Variants in SNRNP200 observed in about 807,000 individuals in gnomAD.
The protein encoded by SNRNP200 is U5 small nuclear ribonucleoprotein 200 kDa helicase.
A neutral mutation model predicts 255.2 loss-of-function variants in SNRNP200; 66 were observed. The observed-to-expected ratio is 0.26, with a 90% CI of 0.21 to 0.32. SNRNP200 has a LOEUF of 0.32. Ranked by LOEUF, SNRNP200 falls within the 10% of genes least tolerant of loss-of-function variation. The pLI, the probability that SNRNP200 is intolerant of heterozygous loss-of-function variation, is 1.00. For missense variants in SNRNP200, 1,585 were observed against 2,749.8 expected, an observed-to-expected ratio of 0.58 and a Z score of 9.47; for synonymous variants, 939 against 1,027.8, an observed-to-expected ratio of 0.91 and a Z score of 1.65.
In SNRNP200 at chr2:96,304,676, G is replaced by T. The variant is rs145029464; in HGVS notation, c.209+29C>A. 3.7e-6 allele frequency: 6 copies of T among 1,613,698 alleles called. No individual in the cohort carries two copies. In the Admixed American group the frequency reaches 1.0e-4, roughly 27 times the overall value. On this transcript the variant is annotated intron_variant, in intron 2 of 44. Coordinates refer to ENST00000323853, the MANE Select transcript of SNRNP200 (RefSeq NM_014014.5). ...AAAGGGAAGAGACTTTGGATCTGAAGGAAAAAATAGTATCCCCTTGGCACT... is the reference window on the plus strand; with the variant it reads ...AAAGGGAAGAGACTTTGGATCTGAATGAAAAAATAGTATCCCCTTGGCACT...
At position 96,274,675 on chromosome 2, in the gene SNRNP200, C is replaced by T. The variant is rs886056454; in HGVS notation, c.*337G>A. The T allele has an allele frequency of 1.1e-5, 4 of 367,790 alleles. No homozygotes were observed. Among genetic ancestry groups the T allele is most frequent in the Middle Eastern group, 9.0e-4 (1 of 1,108 alleles). The allele number at this position is 367,790 out of a possible 1,614,324, so 22.8% of individuals were successfully genotyped here. On this transcript the variant is annotated 3_prime_UTR_variant, in exon 45 of 45. Transcript: ENST00000323853. ...TAAAAAATAACCAGATCTTTTTGGC[C>T]GTGCCCTCAGGTTGGAGAAAGAAAA...
chr2:96,293,151 AAC>A (rs1376745088), intron 15 of SNRNP200, 56 bp from the exon 16 acceptor site: 3 of 1,609,930 alleles, frequency 1.9e-6, no homozygotes, highest in African/African-American at 2.7e-5. Context: ...TGTGGGAATA[AAC>A]AGTCTTTTTC....
chr2:96,283,685 C>T lies in SNRNP200; in HGVS notation c.4613G>A (p.Arg1538His), dbSNP rs764441116. The T allele has an allele frequency of 6.8e-6, 11 of 1,613,902 alleles. No individual in the cohort carries two copies. The highest frequency in any genetic ancestry group is 4.2e-6 in the Non-Finnish European group (5 of 1,180,016). ...CACAGGCTTGGCCATGGAGAGCAGGCGGGTTTGTGTATGGCTGATGTTGAA... is the reference window on the plus strand; with the variant it reads ...CACAGGCTTGGCCATGGAGAGCAGGTGGGTTTGTGTATGGCTGATGTTGAA... ...QGFNISHTQT[R>H]LLSMAKPVYH... is the part of the protein sequence containing the mutation. Residue 1538 changes from arginine (R) to histidine (H), a missense_variant, in exon 33 of 45, where the codon CGC becomes CAC. This residue lies in a region of SNRNP200 where 719 missense variants were observed against 1,091.1 expected (regional missense o/e 0.66). Coordinates refer to ENST00000323853, the MANE Select transcript of SNRNP200 (RefSeq NM_014014.5). This position sits in a 1 kb window ranked among gnomAD's most constrained non-coding sequence, Gnocchi z 4.7.
chr2:96,291,953 C>T lies in SNRNP200; in HGVS notation c.2161-53G>A, dbSNP rs1573996510. 3.1e-6 allele frequency: 5 copies of T among 1,601,384 alleles called. No homozygotes were observed. The South Asian group carries it at 3.3e-5, about 11-fold the overall frequency. ...TCACGAGATACTCACAGCCCCAGGG[C>T]ACCTGCAGCAGGAAGCAGAAGTTGC... On this transcript the variant is annotated intron_variant, in intron 16 of 44. Transcript: ENST00000323853. This position sits in a 1 kb window ranked among gnomAD's most constrained non-coding sequence, Gnocchi z 4.2.
chr2:96,281,785 T>C, intron 35 of SNRNP200, 29 bp downstream of exon 35: 1 of 1,493,956 alleles, frequency 6.7e-7, no homozygotes, highest in Non-Finnish European at 9.3e-7. Context: ...AGGAGGTCTG[T>C]GCTAACACAG....
At position 96,281,858 on chromosome 2, in the gene SNRNP200, C is replaced by T. The variant is rs1349659083; in HGVS notation, c.4980G>A (p.Leu1660=). 3 of 1,614,120 alleles carry T rather than the reference C, an allele frequency of 1.9e-6. No homozygotes were observed. Among genetic ancestry groups the T allele is most frequent in the Non-Finnish European group, 2.5e-6 (3 of 1,180,016 alleles). The change falls in exon 35 of 45, where the codon CTG becomes CTA. Residue 1660 remains leucine (L), a synonymous_variant. Coordinates refer to ENST00000323853, the MANE Select transcript of SNRNP200 (RefSeq NM_014014.5). The part of the protein sequence containing the change: ...LCWGMNVAAH[L]VIIMDTQYYN... Reference sequence around the variant, plus strand: ...AGTACTGGGTATCCATGATGATTACCAGGTGGGCAGCCACGTTCATGCCCC... The same window carrying T: ...AGTACTGGGTATCCATGATGATTACTAGGTGGGCAGCCACGTTCATGCCCC...
chr2:96,278,385 A>G lies in SNRNP200; in HGVS notation c.5489-27T>C. ...TGACAGAAAAAGGAAATGTGAGAGA[A>G]GCTAAAACCAGGCAGAGAAGGAGCA... On this transcript the variant is annotated intron_variant, in intron 38 of 44. Transcript: ENST00000323853. This position sits in a 1 kb window ranked among gnomAD's most constrained non-coding sequence, Gnocchi z 6.9. 2 of 1,613,880 alleles carry G rather than the reference A, an allele frequency of 1.2e-6. No homozygotes were observed. The highest frequency in any genetic ancestry group is 8.5e-7 in the Non-Finnish European group (1 of 1,179,848).
Position 96,303,270 on chromosome 2 carries a change from C to A in SNRNP200, c.270G>T (p.Leu90=), listed in dbSNP as rs200645344. Residue 90 remains leucine, a synonymous_variant, in exon 3 of 45, where the codon CTG becomes CTT. Coordinates refer to ENST00000323853, the MANE Select transcript of SNRNP200 (RefSeq NM_014014.5). The stretch of plus-strand genomic sequence containing the variant: ...CCACCATCTCATCAATGCCCTCCGA[C>A]AGCAGAGTATAACCCTTCATCTTGT... ...DINKMKGYTL[L]SEGIDEMVGI... is the part of the protein sequence containing the mutation. The A allele has an allele frequency of 6.2e-7, 1 of 1,614,088 alleles. No homozygotes were observed.
chr2:96,292,460 C>T (rs2063890064), intron 16 of SNRNP200, among the ~76,000 whole-genome samples: 1 of 152,010 alleles, frequency 6.6e-6, no homozygotes, highest in Non-Finnish European at 1.5e-5. Context: ...CATTGCTCAA[C>T]TCGACTTTCA....
intron 5 of SNRNP200, 54 bp from the exon 6 acceptor site, chr2:96,299,481 C>T: frequency 7.0e-7 from 1 of 1,424,386 alleles, no homozygotes; most frequent in East Asian, 2.3e-5. Flanking sequence ...TGCATCACCA[C>T]AGAACCTCTC....
At chr2:96,302,637 G>A (rs1182979211) in intron 3 of SNRNP200, among the ~76,000 whole-genome samples, 1 of 152,130 alleles carries the variant, frequency 6.6e-6, no homozygotes, top group African/African-American at 2.4e-5. Flanking sequence ...AGTCGCACAA[G>A]CCTGCCTCCC....
chr2:96,298,431 C>T lies in SNRNP200; in HGVS notation c.983-11G>A. On this transcript the variant is annotated splice_polypyrimidine_tract_variant and intron_variant, in intron 8 of 44. Transcript: ENST00000323853. ...AGGTACAGTATAAAACTACCCACAACAAAAGGAACAAAGGAAGTGAGGAGG... is the reference window on the plus strand; with the variant it reads ...AGGTACAGTATAAAACTACCCACAATAAAAGGAACAAAGGAAGTGAGGAGG... 1 of 1,613,950 alleles carries T rather than the reference C, an allele frequency of 6.2e-7. No homozygotes were observed. Among genetic ancestry groups the T allele is most frequent in the South Asian group, 1.1e-5 (1 of 91,066 alleles).
intron 1 of SNRNP200, 23 bp downstream of exon 1, chr2:96,305,370 T>A (rs1414016782): frequency 6.2e-7 from 1 of 1,613,944 alleles, no homozygotes; most frequent in African/African-American, 1.3e-5. Flanking sequence ...GAGCCTGGAA[T>A]CCTTCCCCAA....
In SNRNP200 at chr2:96,287,495, A is replaced by G. The variant is rs758635979; in HGVS notation, c.3428T>C (p.Ile1143Thr). The G allele has an allele frequency of 1.2e-5, 20 of 1,614,038 alleles. No individual in the cohort carries two copies. The highest frequency in any genetic ancestry group is 1.1e-5 in the Non-Finnish European group (13 of 1,180,014). The change falls in exon 26 of 45, where the codon ATT becomes ACT. Residue 1143 changes from isoleucine to threonine, a missense_variant. Ile to Thr is a moderately conservative substitution (Grantham distance 89). Coordinates refer to ENST00000323853, the MANE Select transcript of SNRNP200 (RefSeq NM_014014.5). This position sits in a 1 kb window ranked among gnomAD's most constrained non-coding sequence, Gnocchi z 5.7. ...CTCAAAGGGGAAATTCTTCTTCTCAATCTTCTTCACTACTTCCTCAGGGAG... is the reference window on the plus strand; with the variant it reads ...CTCAAAGGGGAAATTCTTCTTCTCAGTCTTCTTCACTACTTCCTCAGGGAG... ...RKLPEEVVKK[I>T]EKKNFPFERL...
intron 12 of SNRNP200, 90 bp from the exon 13 acceptor site, chr2:96,296,781 A>T: frequency 6.4e-7 from 1 of 1,566,198 alleles, no homozygotes; most frequent in Non-Finnish European, 8.8e-7. Flanking sequence ...AATAGAGAAT[A>T]GAGCTTGTCC....
intron 36 of SNRNP200, 162 bp downstream of exon 36, chr2:96,279,289 G>T: frequency 1.4e-6 from 1 of 698,128 alleles, no homozygotes. Flanking sequence ...GCAAAAGGCA[G>T]CAAAATTCCA....
chr2:96,293,255 A>G, intron 15 of SNRNP200, 61 bp downstream of exon 15: 1 of 1,587,920 alleles, frequency 6.3e-7, no homozygotes, highest in Non-Finnish European at 8.6e-7. Context: ...CACTCCTTGG[A>G]AAAGAGGAAA....
At chr2:96,301,154 T>G in intron 4 of SNRNP200, 101 bp from the exon 5 acceptor site, 1 of 994,356 alleles carries the variant, frequency 1.0e-6, no homozygotes, top group South Asian at 1.3e-5. Flanking sequence ...TCAGGAAAGA[T>G]CTAAGTGCTA....
intron 1 of SNRNP200, 21 bp downstream of exon 1, chr2:96,305,372 C>T: frequency 6.2e-7 from 1 of 1,614,144 alleles, no homozygotes; most frequent in Non-Finnish European, 8.5e-7. Flanking sequence ...GCCTGGAATC[C>T]TTCCCCAAGA....
Sources: allele counts gnomAD v4.1 joint callset (sites outside exome capture counted in the v4.1 genomes callset), GRCh38; gene constraint gnomAD v4.1.1; regional missense constraint gnomAD v4.1.1; non-coding constraint Gnocchi (gnomAD v3.1); transcripts MANE v1.5; gene names NCBI Gene and HGNC (gene_info 2026-07-23, HGNC 2026-07-21).